The following IQCE variants were observed in gnomAD, a reference collection of about 807,000 sequenced individuals.
IQCE encodes the protein IQ motif containing E.
IQCE carries 115 observed loss-of-function variants against 96.0 expected under a neutral mutation model. The ratio of observed to expected loss-of-function variants is 1.20; its 90% CI spans 1.03 to 1.40. The LOEUF (loss-of-function observed/expected upper bound fraction) is 1.40, where lower values mean the gene tolerates loss of function less well. Among genes scored for constraint, IQCE ranks in the 40% most tolerant of loss-of-function variants. IQCE has a pLI of 0.00. For synonymous variants in IQCE, 412 were observed against 371.2 expected (o/e 1.11, Z -1.26); for missense variants, 1,041 against 909.1 (o/e 1.15, Z -1.87).
chr7:2,574,887 T>G (rs1337121483), intron 6 of IQCE, among the ~76,000 whole-genome samples: 4 of 152,224 alleles, frequency 2.6e-5, no homozygotes, highest in African/African-American at 9.6e-5. Flanking sequence ...TTGTTGGGTG[T>G]AACCTTACTG....
chr7:2,560,315 T>A (rs1287825583), intron 1 of IQCE, among the ~76,000 whole-genome samples: 1 of 152,224 alleles, frequency 6.6e-6, no homozygotes, highest in Non-Finnish European at 1.5e-5. Context: ...TGAGCCTGAC[T>A]ATGGGGAGTC....
At position 2,598,639 on chromosome 7, in the gene IQCE, C is replaced by G. The variant is rs778460350; in HGVS notation, c.1608+7C>G. ...GAAGGTGTACAAGCACAAGGTGAGG[C>G]TCCCCGGGGCGACCCGGGCTGCTCC... On this transcript the variant is annotated splice_region_variant and intron_variant, in intron 17 of 21. Transcript: ENST00000402050. 2.6e-6 allele frequency: 4 copies of G among 1,522,848 alleles called. No individual in the cohort carries two copies. In the African/African-American group the frequency reaches 5.6e-5, roughly 21 times the overall value. The allele number at this position is 1,522,848 out of a possible 1,614,324, so 94.3% of individuals were successfully genotyped here. A position where few individuals can be genotyped will look rare whatever the true frequency, so the allele number is the denominator to read the frequency against.
intron 6 of IQCE, among the ~76,000 whole-genome samples, chr7:2,576,098 G>A (rs1056506035): frequency 2.0e-5 from 3 of 152,178 alleles, no homozygotes; most frequent in Non-Finnish European, 2.9e-5. Context: ...TGTCTGCAAC[G>A]ATCTTGCCAG....
intron 17 of IQCE, among the ~76,000 whole-genome samples, chr7:2,600,811 T>C (rs1784382723): frequency 6.6e-6 from 1 of 152,164 alleles, no homozygotes; most frequent in African/African-American, 2.4e-5. Flanking sequence ...GCACATTGAT[T>C]AACTTGGCAT....
chr7:2,576,120 G>A (rs1192225990), intron 6 of IQCE, among the ~76,000 whole-genome samples: 1 of 152,214 alleles, frequency 6.6e-6, no homozygotes, highest in East Asian at 1.9e-4. Context: ...TGTGGATGTG[G>A]CTGAAGTGCC....
In IQCE at chr7:2,559,071, C is replaced by G. The variant is rs1034728752; in HGVS notation, c.-111C>G. The stretch of plus-strand genomic sequence containing the variant: ...GTTGCCATGGCAGCGGGGTCGCGGG[C>G]CGGCGCCAGGGAAGGCCCCGAGGCT... On this transcript the variant is annotated 5_prime_UTR_variant, in exon 1 of 22. Coordinates refer to ENST00000402050, the MANE Select transcript of IQCE (RefSeq NM_152558.5). 184 of 503,314 alleles carry G rather than the reference C, an allele frequency of 3.7e-4. 2 individuals are homozygous for G. The highest frequency in any genetic ancestry group is 3.6e-3 in the African/African-American group (175 of 48,254). 31.2% of individuals were successfully genotyped at this position (503,314 alleles called of 1,614,324 possible). A position where few individuals can be genotyped will look rare whatever the true frequency, so the allele number is the denominator to read the frequency against.
chr7:2,595,071 C>T, intron 16 of IQCE, 95 bp downstream of exon 16: 1 of 843,366 alleles, frequency 1.2e-6, no homozygotes, highest in Non-Finnish European at 2.0e-6. Flanking sequence ...TTTTTCTGAC[C>T]AGCCACTGAA....
At chr7:2,564,081 G>A (rs1246593614) in intron 1 of IQCE, among the ~76,000 whole-genome samples, 1 of 151,064 alleles carries the variant, frequency 6.6e-6, no homozygotes, top group Non-Finnish European at 1.5e-5. Context: ...ACATGGTGGT[G>A]CACACCTGTA....
chr7:2,594,957 G>T lies in IQCE; in HGVS notation c.1421G>T (p.Cys474Phe), dbSNP rs761441514. 1.8e-5 allele frequency: 29 copies of T among 1,612,944 alleles called. No individual in the cohort carries two copies. The highest frequency in any genetic ancestry group is 2.3e-5 in the Non-Finnish European group (27 of 1,179,074). Residue 474 changes from cysteine to phenylalanine, a missense_variant, in exon 16 of 22, where the codon TGC becomes TTC. Physicochemically the swap from Cys to Phe is radical, Grantham distance 205. Transcript: ENST00000402050. ...ATGAAGAAAGAAGAGAAAGAGGATTGCCCGGAAGTTCCTCATAAGGTACAG... is the reference window on the plus strand; with the variant it reads ...ATGAAGAAAGAAGAGAAAGAGGATTTCCCGGAAGTTCCTCATAAGGTACAG... ...QEMKKEEKED[C>F]PEVPHKAQEL...
chr7:2,586,453 T>G, intron 12 of IQCE, 82 bp downstream of exon 12: 2 of 1,400,602 alleles, frequency 1.4e-6, no homozygotes, highest in South Asian at 2.7e-5. Context: ...TAGGCCCAAC[T>G]GAGGACAGGC....
Position 2,605,109 on chromosome 7 carries a change from G to T in IQCE, c.1743+118G>T, listed in dbSNP as rs1233422748. The T allele has an allele frequency of 4.3e-6, 3 of 699,784 alleles. No homozygotes were observed. In the Admixed American group the frequency reaches 7.1e-5, roughly 17 times the overall value. 43.3% of individuals were successfully genotyped at this position (699,784 alleles called of 1,614,324 possible). A position where few individuals can be genotyped will look rare whatever the true frequency, so the allele number is the denominator to read the frequency against. On this transcript the variant is annotated intron_variant, in intron 19 of 21. Transcript: ENST00000402050. ...CTCCACATCCCCGCCCGCCCAGCAG[G>T]CGTCCCCTGCGCTCCATCCCTGGCC...
At position 2,582,650 on chromosome 7, in the gene IQCE, G is replaced by A; in HGVS notation, c.701G>A (p.Ser234Asn). 6.2e-7 allele frequency: 1 copy of A among 1,613,494 alleles called. No homozygotes were observed. The highest frequency in any genetic ancestry group is 1.7e-4 in the Middle Eastern group (1 of 6,060). ...TGCAAGGAGAAGGACGGCACCATCA[G>A]GTGGGCGCAGGGCTGCACCCTCTCC... The part of the protein sequence containing the change: ...QQCKEKDGTI[S>N]KLQTDMKTTN... The change falls in exon 9 of 22, where the codon AGC (serine) becomes AAC (asparagine). Residue 234 changes from serine (S) to asparagine (N), a missense_variant and splice_region_variant. By Grantham distance (46) the Ser-to-Asn change is conservative. Coordinates refer to ENST00000402050, the MANE Select transcript of IQCE (RefSeq NM_152558.5).
At chr7:2,606,617 T>G (rs1428995638) in intron 20 of IQCE, among the ~76,000 whole-genome samples, 1 of 152,102 alleles carries the variant, frequency 6.6e-6, no homozygotes, top group African/African-American at 2.4e-5. Flanking sequence ...GCCTCTGTGG[T>G]GGAGCCGCGC....
chr7:2,596,576 T>C (rs1784058062), intron 16 of IQCE, among the ~76,000 whole-genome samples: 4 of 152,194 alleles, frequency 2.6e-5, no homozygotes, highest in Admixed American at 2.6e-4. Flanking sequence ...AGCATTCACA[T>C]GGGAATGATT....
chr7:2,599,111 G>A (rs559824300), intron 17 of IQCE, among the ~76,000 whole-genome samples: 36 of 152,294 alleles, frequency 2.4e-4, no homozygotes, highest in African/African-American at 8.4e-4. Context: ...CGGAGCCTGG[G>A]GGTCGGTTGG....
chr7:2,573,766 C>T (rs1352907487), intron 6 of IQCE, among the ~76,000 whole-genome samples: 1 of 152,230 alleles, frequency 6.6e-6, no homozygotes, highest in African/African-American at 2.4e-5. Flanking sequence ...AGATTAGCTT[C>T]AGAGTCGCCT....
intron 6 of IQCE, among the ~76,000 whole-genome samples, chr7:2,577,839 G>C (rs374461146): frequency 3.5e-4 from 36 of 103,606 alleles, no homozygotes; most frequent in South Asian, 1.6e-3. Context: ...TGCGGCGTGC[G>C]CGCATTGGCG....
intron 6 of IQCE, among the ~76,000 whole-genome samples, chr7:2,575,010 G>A (rs1455388432): frequency 6.6e-6 from 1 of 152,228 alleles, no homozygotes; most frequent in Non-Finnish European, 1.5e-5. Context: ...GGTCACTGGC[G>A]CATCTTTGTG....
chr7:2,607,595 AGAAGCC>A, intron 21 of IQCE: 3 of 1,189,016 alleles, frequency 2.5e-6, no homozygotes, highest in Non-Finnish European at 2.1e-6. Context: ...CAGTCAGTGA[AGAAGCC>A]GCTGGCACTG....
Sources: gnomAD v4.1 joint callset for allele counts (sites outside exome capture counted in the v4.1 genomes callset) on GRCh38, gnomAD v4.1.1 for gene constraint, MANE v1.5 for transcripts, NCBI Gene and HGNC (gene_info 2026-07-23, HGNC 2026-07-21) for gene names.